The following MSI2 variants were observed in gnomAD, a reference collection of about 807,000 sequenced individuals.
The protein encoded by MSI2 is musashi RNA binding protein 2, also known as RNA-binding protein Musashi homolog 2.
MSI2 carries 17 observed loss-of-function variants against 45.6 expected under a neutral mutation model. That is an observed-to-expected ratio of 0.37 (90% CI 0.26 to 0.56). The LOEUF is 0.56. Among genes scored for constraint, MSI2 ranks in the 20% least tolerant of loss-of-function variants. The probability of loss-of-function intolerance (pLI) is 0.77; values close to 1 mark genes in which losing one functional copy is unlikely to be tolerated. For synonymous variants in MSI2, 156 were observed against 158.2 expected, an observed-to-expected ratio of 0.99 and a Z score of 0.11; for missense variants, 293 against 444.2, an observed-to-expected ratio of 0.66 and a Z score of 3.06.
At chr17:57,285,290 C>G (rs1179843092) in intron 5 of MSI2, among the ~76,000 whole-genome samples, 2 of 152,128 alleles carry the variant, frequency 1.3e-5, no homozygotes, top group Admixed American at 6.5e-5. Context: ...AGGAAGAAAG[C>G]CTTTTTGTTT....
chr17:57,512,722 A>G (rs1398501121), intron 6 of MSI2, among the ~76,000 whole-genome samples: 1 of 152,052 alleles, frequency 6.6e-6, no homozygotes, highest in African/African-American at 2.4e-5. Context: ...CATGGGCTGG[A>G]CAGATAGATG....
rs180702512 is a variant in MSI2 at position 57,588,343 on chromosome 17, A to G, written c.455-8525A>G. 4.6e-3 allele frequency among the ~76,000 whole-genome samples: 700 copies of G among 152,306 alleles called. 4 individuals are homozygous for G. The highest frequency in any genetic ancestry group is 0.034 in the Middle Eastern group (10 of 294). ...CCTTTTCTTTCTTCTTAATAAGGCC[A>G]GGGAAGTGAGCACTTCTCTGTCCCT... On this transcript the variant is annotated intron_variant, in intron 7 of 13. Transcript: ENST00000284073.
intron 6 of MSI2, among the ~76,000 whole-genome samples, chr17:57,517,345 C>T (rs1026714962): frequency 2.0e-5 from 3 of 152,154 alleles, no homozygotes; most frequent in South Asian, 2.1e-4. Context: ...GTGCTGAGTG[C>T]GCTGATTCGG....
intron 11 of MSI2, among the ~76,000 whole-genome samples, chr17:57,660,432 AAAGG>A (rs1469861220): frequency 6.6e-6 from 1 of 152,198 alleles, no homozygotes; most frequent in Non-Finnish European, 1.5e-5. Flanking sequence ...TAAGAGGGGA[AAAGG>A]AAGAATGATG....
At position 57,315,349 on chromosome 17, in the gene MSI2, T is replaced by C. The variant is rs567806390; in HGVS notation, c.312+53157T>C. ...GGGGGTGAGGGCTCTGATTTGAGTG[T>C]GTCCTGTCGACTCAAGGACCACAGA... On this transcript the variant is annotated intron_variant, in intron 5 of 13. Coordinates refer to ENST00000284073, the MANE Select transcript of MSI2 (RefSeq NM_138962.4). Among the ~76,000 whole-genome samples, 113 of 151,802 alleles carry C rather than the reference T, an allele frequency of 7.4e-4. 1 individual carries two copies. Among genetic ancestry groups the C allele is most frequent in the African/African-American group, 2.5e-3 (104 of 41,376 alleles).
intron 5 of MSI2, among the ~76,000 whole-genome samples, chr17:57,343,034 T>A (rs1915300134): frequency 6.6e-6 from 1 of 152,200 alleles, no homozygotes; most frequent in Non-Finnish European, 1.5e-5. Flanking sequence ...CAATATTATC[T>A]TGCAAAATCT....
intron 6 of MSI2, among the ~76,000 whole-genome samples, chr17:57,410,811 G>GTTT (rs887722416): frequency 6.6e-6 from 1 of 152,060 alleles, no homozygotes; most frequent in African/African-American, 2.4e-5. Context: ...AATTTAAGGT[G>GTTT]TTTTTCACTT....
chr17:57,540,516 G>T (rs1338309391), intron 7 of MSI2, among the ~76,000 whole-genome samples: 3 of 152,214 alleles, frequency 2.0e-5, no homozygotes, highest in Non-Finnish European at 2.9e-5. Context: ...ACCTCAGAAT[G>T]TGACCTTATT....
At chr17:57,687,236 G>T (rs4793896), downstream of MSI2, among the ~76,000 whole-genome samples, 136,356 of 151,298 alleles carry the variant, frequency 0.9, 61,636 homozygotes, top group African/African-American at 0.96. Flanking sequence ...AATTTTTTTT[G>T]GGGGAGGTGA....
chr17:57,490,035 T>G (rs1277029937), intron 6 of MSI2, among the ~76,000 whole-genome samples: 1 of 152,160 alleles, frequency 6.6e-6, no homozygotes, highest in African/African-American at 2.4e-5. Context: ...ACCAAGAATA[T>G]ACCTAATGGT....
At chr17:57,581,872 T>G (rs16958559) in intron 7 of MSI2, among the ~76,000 whole-genome samples, 37,739 of 152,206 alleles carry the variant, frequency 0.25, 5,421 homozygotes, top group African/African-American at 0.39. Context: ...TAGTGGTTTG[T>G]ATTCAGAATG....
chr17:57,588,999 G>A (rs910050188), intron 7 of MSI2, among the ~76,000 whole-genome samples: 3 of 152,214 alleles, frequency 2.0e-5, no homozygotes, highest in African/African-American at 4.8e-5. Flanking sequence ...AGTGACGGCA[G>A]ATGAGCTTTC....
chr17:57,659,236 G>A (rs747632421), intron 11 of MSI2, among the ~76,000 whole-genome samples: 5 of 151,522 alleles, frequency 3.3e-5, no homozygotes, highest in Non-Finnish European at 7.4e-5. Flanking sequence ...TGGTTTTTTT[G>A]TGTGTTTTTT....
chr17:57,657,794 A>T (rs1911712929), intron 11 of MSI2, among the ~76,000 whole-genome samples: 1 of 152,122 alleles, frequency 6.6e-6, no homozygotes, highest in Non-Finnish European at 1.5e-5. Context: ...TCCTGGAGCT[A>T]TTTGGGTCAG....
chr17:57,660,250 G>C (rs1030224964), intron 11 of MSI2, among the ~76,000 whole-genome samples: 1 of 152,236 alleles, frequency 6.6e-6, no homozygotes, highest in East Asian at 1.9e-4. Flanking sequence ...CTGTCCAGAA[G>C]AGGGGAGTCA....
chr17:57,640,838 G>T (rs1400974807), intron 10 of MSI2, among the ~76,000 whole-genome samples: 2 of 152,210 alleles, frequency 1.3e-5, no homozygotes, highest in Non-Finnish European at 2.9e-5. Flanking sequence ...CATGAAAAGT[G>T]CTCAGATGGT....
At chr17:57,408,974 G>A (rs1024701754) in intron 6 of MSI2, among the ~76,000 whole-genome samples, 6 of 104,218 alleles carry the variant, frequency 5.8e-5, no homozygotes, top group African/African-American at 1.8e-4. Context: ...TTCTTCTTTT[G>A]TCCTCTTAGA....
intron 7 of MSI2, among the ~76,000 whole-genome samples, chr17:57,588,286 T>C (rs1904503004): frequency 6.6e-6 from 1 of 152,206 alleles, no homozygotes; most frequent in African/African-American, 2.4e-5. Flanking sequence ...TGAGGCTGGG[T>C]GCTGTGTACA....
chr17:57,316,764 G>A (rs1248146272), intron 5 of MSI2, among the ~76,000 whole-genome samples: 1 of 152,190 alleles, frequency 6.6e-6, no homozygotes, highest in African/African-American at 2.4e-5. Flanking sequence ...TTTGGGAGGT[G>A]ACTATGGGAA....
Sources: gnomAD v4.1 joint callset for allele counts (sites outside exome capture counted in the v4.1 genomes callset) on GRCh38, gnomAD v4.1.1 for gene constraint, MANE v1.5 for transcripts, NCBI Gene and HGNC (gene_info 2026-07-23, HGNC 2026-07-21) for gene names.